The following CTDP1 variants were observed in gnomAD, a reference collection of about 807,000 sequenced individuals.
CTDP1 encodes CTD phosphatase 1.
In CTDP1, 47 loss-of-function variants were observed where a neutral mutation model predicts 91.8. The observed-to-expected ratio is 0.51, with a 90% CI of 0.41 to 0.65. The LOEUF (loss-of-function observed/expected upper bound fraction) is 0.65, where lower values mean the gene tolerates loss of function less well. Ranked by LOEUF, CTDP1 falls within the 30% of genes least tolerant of loss-of-function variation. The pLI is 0.00. For missense variants in CTDP1, 1,272 were observed against 1,373.7 expected (o/e 0.93, Z 1.17); for synonymous variants, 656 against 598.5 (o/e 1.10, Z -1.40).
intron 5 of CTDP1, 35 bp from the exon 6 acceptor site, chr18:79,710,311 A>G (rs754470661): frequency 3.3e-6 from 5 of 1,532,482 alleles, no homozygotes; most frequent in Admixed American, 1.7e-5. Flanking sequence ...AACGTGTCTC[A>G]GGTATGTAAT....
chr18:79,693,918 G>A (rs1237504653), intron 1 of CTDP1, among the ~76,000 whole-genome samples: 1 of 152,092 alleles, frequency 6.6e-6, no homozygotes, highest in South Asian at 2.1e-4. Flanking sequence ...GCAGGCTGCA[G>A]ACCCGCCCCT....
intron 1 of CTDP1, among the ~76,000 whole-genome samples, chr18:79,689,557 G>A (rs1199208174): frequency 6.6e-6 from 1 of 152,194 alleles, no homozygotes; most frequent in African/African-American, 2.4e-5. Context: ...AGGCCAAGGT[G>A]AACAGATCAC....
intron 4 of CTDP1, among the ~76,000 whole-genome samples, chr18:79,701,934 G>C (rs1197734583): frequency 6.6e-6 from 1 of 152,212 alleles, no homozygotes; most frequent in Non-Finnish European, 1.5e-5. Context: ...AACAGATGAG[G>C]AGTTGCTTCT....
intron 12 of CTDP1, among the ~76,000 whole-genome samples, chr18:79,737,826 G>A (rs1432101215): frequency 2.6e-5 from 4 of 152,298 alleles, no homozygotes; most frequent in South Asian, 2.1e-4. Context: ...GTGGAATGAC[G>A]CAGTGTTTCC....
chr18:79,696,581 C>T (rs472369), intron 3 of CTDP1, among the ~76,000 whole-genome samples: 51,267 of 151,582 alleles, frequency 0.34, 8,764 homozygotes, highest in Middle Eastern at 0.37. Flanking sequence ...CTGCTGCTGG[C>T]ACCATTGGGA....
intron 1 of CTDP1, among the ~76,000 whole-genome samples, chr18:79,693,675 C>G (rs572898579): frequency 1.3e-5 from 2 of 152,296 alleles, no homozygotes; most frequent in South Asian, 4.1e-4. Context: ...CGGCAGCCCA[C>G]TCCATCCCCG....
At chr18:79,703,481 G>A (rs1599229329) in intron 4 of CTDP1, 1 of 152,308 alleles carries the variant, frequency 6.6e-6, no homozygotes, top group Non-Finnish European at 1.5e-5. Context: ...TACTAAATAT[G>A]ACTTAGAATA....
At chr18:79,736,046 A>G (rs930508458) in intron 11 of CTDP1, 5 of 400,264 alleles carry the variant, frequency 1.2e-5, no homozygotes, top group Non-Finnish European at 2.3e-5. Flanking sequence ...TATTCTGATT[A>G]TTCACCATAA....
chr18:79,748,346 A>G (rs610113), intron 12 of CTDP1, among the ~76,000 whole-genome samples: 119,179 of 152,156 alleles, frequency 0.78, 47,154 homozygotes, highest in South Asian at 0.93. Flanking sequence ...CCGAGGGTGC[A>G]GCATTCGCAG....
At chr18:79,683,631 G>A (rs945427059) in intron 1 of CTDP1, among the ~76,000 whole-genome samples, 7 of 152,260 alleles carry the variant, frequency 4.6e-5, no homozygotes, top group Non-Finnish European at 2.9e-5. Context: ...CCTGAGGAAT[G>A]CGCAGGCGAT....
chr18:79,703,298 A>G (rs1202621251), intron 4 of CTDP1, among the ~76,000 whole-genome samples: 1 of 152,258 alleles, frequency 6.6e-6, no homozygotes. Context: ...ACTTAGAACT[A>G]GAAAAATGTA....
chr18:79,679,044 A>C, upstream of CTDP1: 1 of 237,306 alleles, frequency 4.2e-6, no homozygotes, highest in Non-Finnish European at 8.6e-6. Flanking sequence ...TCCTTTAGTA[A>C]GCCACTTGCG....
chr18:79,729,193 G>C, intron 11 of CTDP1, 124 bp downstream of exon 11: 2 of 1,243,796 alleles, frequency 1.6e-6, no homozygotes, highest in Non-Finnish European at 2.3e-6. Flanking sequence ...CACTTGTGTA[G>C]TTGTGTCTGG....
intron 5 of CTDP1, among the ~76,000 whole-genome samples, chr18:79,708,947 C>T (rs890423705): frequency 2.0e-5 from 3 of 152,208 alleles, no homozygotes; most frequent in Non-Finnish European, 4.4e-5. Context: ...GTTAAATGAT[C>T]GAATACCCTT....
rs1422277334 is a variant in CTDP1 at position 79,713,923 on chromosome 18, C to T, written c.1031-568C>T. ...GCGCCAGGTCTGCAGGGGCTTACGG[C>T]CACGGTGGCGCCAGGTCTGCAGGGG... is the stretch of plus-strand genomic sequence containing the variant. On this transcript the variant is annotated intron_variant, in intron 7 of 12. Transcript: ENST00000613122. This position sits in a 1 kb window ranked among gnomAD's most constrained non-coding sequence, Gnocchi z 4.7. Among the ~76,000 whole-genome samples the T allele has an allele frequency of 7.1e-6, 1 of 140,486 alleles. No individual in the cohort carries two copies. The highest frequency in any genetic ancestry group is 2.6e-5 in the African/African-American group (1 of 38,258). 92.2% of individuals were successfully genotyped at this position (140,486 alleles called of 152,430 possible).
intron 5 of CTDP1, among the ~76,000 whole-genome samples, chr18:79,706,866 A>C (rs1400751162): frequency 6.6e-6 from 1 of 152,236 alleles, no homozygotes; most frequent in Non-Finnish European, 1.5e-5. Context: ...GGCGCACACC[A>C]GCGGGCACAG....
chr18:79,704,075 G>C (rs2085913440), intron 4 of CTDP1, among the ~76,000 whole-genome samples: 1 of 152,172 alleles, frequency 6.6e-6, no homozygotes, highest in Non-Finnish European at 1.5e-5. Flanking sequence ...GCAGGTAGGT[G>C]GTTATCCTAG....
chr18:79,679,427 G>A (rs2085304982), upstream of CTDP1: 1 of 456,136 alleles, frequency 2.2e-6, no homozygotes, highest in Non-Finnish European at 4.4e-6. Flanking sequence ...AGCGGCTCGC[G>A]GTGCATGCCG....
intron 1 of CTDP1, among the ~76,000 whole-genome samples, chr18:79,684,958 C>T (rs1203468385): frequency 1.4e-5 from 2 of 144,582 alleles, no homozygotes; most frequent in African/African-American, 2.5e-5. Flanking sequence ...TCTCTACTCC[C>T]GGTTTCTCTG....
Sources: gnomAD v4.1 joint callset for allele counts (sites outside exome capture counted in the v4.1 genomes callset) on GRCh38, gnomAD v4.1.1 for gene constraint, Gnocchi (gnomAD v3.1) non-coding constraint, MANE v1.5 for transcripts, NCBI Gene and HGNC (gene_info 2026-07-23, HGNC 2026-07-21) for gene names.